The following PTPN20 variants were observed in gnomAD, a reference collection of about 807,000 sequenced individuals.
PTPN20 encodes the protein protein tyrosine phosphatase non-receptor type 20.
Under a neutral mutation model 35.0 loss-of-function variants are expected in PTPN20, and 9 were observed. That is an observed-to-expected ratio of 0.26 (90% CI 0.15 to 0.45). The LOEUF is 0.45. PTPN20 is among the 20% of genes least tolerant of loss of function. PTPN20 has a pLI of 1.00. For missense variants in PTPN20, 111 were observed against 312.5 expected (o/e 0.36, Z 4.86); for synonymous variants, 32 against 100.2 (o/e 0.32, Z 4.06).
chr10:46,970,590 T>A (rs1211391270), intron 7 of PTPN20, among the ~76,000 whole-genome samples: 1 of 150,436 alleles, frequency 6.6e-6, no homozygotes, highest in Non-Finnish European at 1.5e-5. Flanking sequence ...GAAATTTGAA[T>A]GGAGTTATAG....
At chr10:46,926,464 C>T (rs1169480084) in intron 1 of PTPN20, among the ~76,000 whole-genome samples, 4 of 151,616 alleles carry the variant, frequency 2.6e-5, no homozygotes, top group African/African-American at 7.3e-5. Flanking sequence ...CCTTCTTTTG[C>T]GGAGATGGCT....
At chr10:46,923,221 A>G (rs1350053881) in intron 1 of PTPN20, among the ~76,000 whole-genome samples, 1 of 144,080 alleles carries the variant, frequency 6.9e-6, no homozygotes, top group Non-Finnish European at 1.5e-5. Context: ...ATACTCCCCT[A>G]GAGCCTTCAG....
chr10:46,968,946 A>AT (rs1452970382), intron 7 of PTPN20, among the ~76,000 whole-genome samples: 6 of 104,074 alleles, frequency 5.8e-5, no homozygotes, highest in Admixed American at 2.9e-4. Flanking sequence ...AGCTACTGAG[A>AT]TTTTCTTAAA....
chr10:46,981,166 C>G (rs1462875410), intron 7 of PTPN20: 3 of 148,100 alleles, frequency 2.0e-5, no homozygotes, highest in Non-Finnish European at 4.5e-5. Context: ...GGCACAAACA[C>G]AAAGATATTT....
chr10:46,952,389 CAA>C (rs2046968149), intron 5 of PTPN20, among the ~76,000 whole-genome samples: 3 of 146,026 alleles, frequency 2.1e-5, no homozygotes. Context: ...TCCCCTTCTC[CAA>C]AAGTGTCTCT....
intron 5 of PTPN20, chr10:46,946,891 G>A (rs1219690772): frequency 1.0e-5 from 5 of 486,828 alleles, no homozygotes; most frequent in Non-Finnish European, 1.8e-5. Context: ...CTTTCTTCAA[G>A]TATTTTAAAG....
At chr10:46,929,185 G>C (rs2038731052) in intron 1 of PTPN20, among the ~76,000 whole-genome samples, 1 of 90,798 alleles carries the variant, frequency 1.1e-5, no homozygotes, top group Non-Finnish European at 2.0e-5. Context: ...CCTGAGGAAA[G>C]GTGTTTTGCT....
intron 9 of PTPN20, among the ~76,000 whole-genome samples, chr10:46,988,846 G>GTT (rs1202995137): frequency 3.4e-5 from 5 of 148,596 alleles, no homozygotes; most frequent in African/African-American, 4.9e-5. Context: ...TATCCTAGGT[G>GTT]TTTTTTTTTT....
At chr10:46,988,860 A>G (rs1436543773) in intron 9 of PTPN20, among the ~76,000 whole-genome samples, 1 of 150,688 alleles carries the variant, frequency 6.6e-6, no homozygotes, top group Non-Finnish European at 1.5e-5. Flanking sequence ...TTTTTTTTTA[A>G]TAGCTATTGT....
intron 5 of PTPN20, among the ~76,000 whole-genome samples, chr10:46,947,437 A>G (rs2045262219): frequency 6.6e-6 from 1 of 150,696 alleles, no homozygotes; most frequent in African/African-American, 2.4e-5. Flanking sequence ...GATCTCCTAC[A>G]AAAATAGTTT....
intron 5 of PTPN20, among the ~76,000 whole-genome samples, chr10:46,964,613 CT>C (rs201069013): frequency 0.017 from 2,560 of 147,306 alleles, 18 homozygotes; most frequent in African/African-American, 0.062. Flanking sequence ...CTTCCAAACA[CT>C]TGGTCCCAGG....
chr10:46,993,982 T>G (rs1178326062), intron 9 of PTPN20, among the ~76,000 whole-genome samples: 1 of 152,224 alleles, frequency 6.6e-6, no homozygotes, highest in East Asian at 1.9e-4. Context: ...TTCTTGTAAG[T>G]CAGGTCTGCT....
chr10:46,952,506 A>G, intron 5 of PTPN20, among the ~76,000 whole-genome samples: 1 of 141,598 alleles, frequency 7.1e-6, no homozygotes, highest in Middle Eastern at 3.6e-3. Flanking sequence ...TAAAATATGC[A>G]TATCAAAAAA....
intron 5 of PTPN20, among the ~76,000 whole-genome samples, chr10:46,963,750 G>C (rs797027935): frequency 1.2e-5 from 1 of 80,824 alleles, no homozygotes; most frequent in East Asian, 1.7e-3. Context: ...GGGTAGAATC[G>C]GTGTTGGGGA....
At chr10:46,932,278 CA>C (rs1230090359) in intron 1 of PTPN20, 98 bp from the exon 2 acceptor site, 169 of 1,432,528 alleles carry the variant, frequency 1.2e-4, no homozygotes, top group Middle Eastern at 2.6e-4. Context: ...ATTAAAATTG[CA>C]GTTTTAAATA....
At chr10:46,919,303 C>T (rs562485763) in intron 1 of PTPN20, among the ~76,000 whole-genome samples, 7 of 151,918 alleles carry the variant, frequency 4.6e-5, no homozygotes, top group African/African-American at 1.5e-4. Context: ...ATGATTAGAT[C>T]TTAATCTATC....
At chr10:46,977,516 G>A (rs2054133139) in intron 7 of PTPN20, among the ~76,000 whole-genome samples, 1 of 151,648 alleles carries the variant, frequency 6.6e-6, no homozygotes, top group Non-Finnish European at 1.5e-5. Flanking sequence ...AATTCATAGT[G>A]TAATGTGACA....
chr10:47,003,351 C>T (rs568923080), downstream of PTPN20, among the ~76,000 whole-genome samples: 538 of 152,170 alleles, frequency 3.5e-3, 4 homozygotes, highest in South Asian at 0.024. Flanking sequence ...CTGAGTATTG[C>T]TCCAGAGTTA....
chr10:46,981,800 CT>C (rs1360011059), intron 7 of PTPN20: 3 of 57,642 alleles, frequency 5.2e-5, no homozygotes, highest in African/African-American at 2.1e-4. Flanking sequence ...GATGAATGGC[CT>C]TTTGAAGACT....
Sources: allele counts gnomAD v4.1 joint callset (sites outside exome capture counted in the v4.1 genomes callset), GRCh38; gene constraint gnomAD v4.1.1; transcripts MANE v1.5; gene names NCBI Gene and HGNC (gene_info 2026-07-23, HGNC 2026-07-21).